RBFOX3: variants seen among roughly 807,000 people sequenced by gnomAD.
RBFOX3 encodes the protein RNA binding fox-1 homolog 3.
A neutral mutation model predicts 48.7 loss-of-function variants in RBFOX3; 17 were observed. That is an observed-to-expected ratio of 0.35 (90% CI 0.24 to 0.52). The LOEUF is 0.52. Ranked by LOEUF, RBFOX3 falls within the 20% of genes least tolerant of loss-of-function variation. The pLI, the probability that RBFOX3 is intolerant of heterozygous loss-of-function variation, is 0.94. For synonymous variants in RBFOX3, 212 were observed against 209.5 expected (o/e 1.01, Z -0.10); for missense variants, 382 against 497.5 (o/e 0.77, Z 2.21).
intron 3 of RBFOX3, among the ~76,000 whole-genome samples, chr17:79,293,644 G>A (rs1600467879): frequency 6.6e-6 from 1 of 152,000 alleles, no homozygotes; most frequent in East Asian, 1.9e-4. Flanking sequence ...GTAGAGACGG[G>A]GTTTCACCAT....
chr17:79,264,853 G>A (rs1451084003), intron 3 of RBFOX3, among the ~76,000 whole-genome samples: 2 of 152,002 alleles, frequency 1.3e-5, no homozygotes, highest in Non-Finnish European at 2.9e-5. Context: ...TCCTGCCCCC[G>A]CTGGAAGGTT....
intron 1 of RBFOX3, among the ~76,000 whole-genome samples, chr17:79,584,693 C>G (rs1196507219): frequency 2.0e-5 from 3 of 152,148 alleles, no homozygotes; most frequent in African/African-American, 7.2e-5. Flanking sequence ...ATCGTATGTT[C>G]ACACCCATCT....
chr17:79,100,921 T>A (rs1047899590), intron 9 of RBFOX3, among the ~76,000 whole-genome samples: 11 of 152,308 alleles, frequency 7.2e-5, no homozygotes, highest in African/African-American at 2.6e-4. Context: ...CTCCCCTTGC[T>A]GTGGACAGCA....
intron 2 of RBFOX3, among the ~76,000 whole-genome samples, chr17:79,359,490 T>C (rs1020089329): frequency 2.6e-5 from 4 of 152,230 alleles, no homozygotes; most frequent in Admixed American, 2.6e-4. Context: ...AGGTGAGGCA[T>C]AGCCTTCGAA....
At chr17:79,656,745 AGAAAGAAGGAAGGAAG>A in the RBFOX3 span, among the ~76,000 whole-genome samples, 13 of 79,822 alleles carry the variant, frequency 1.6e-4, no homozygotes, top group Admixed American at 3.0e-4. Flanking sequence ...AAAGAAAGAA[AGAAAGAAGGAAGGAAG>A]GAAGGAAGGA....
chr17:79,476,745 C>T (rs1293772081), intron 2 of RBFOX3, among the ~76,000 whole-genome samples: 1 of 151,896 alleles, frequency 6.6e-6, no homozygotes, highest in South Asian at 2.1e-4. Flanking sequence ...GGCAGGGTGG[C>T]AGAATTAGGG....
intron 4 of RBFOX3, among the ~76,000 whole-genome samples, chr17:79,186,902 A>T (rs139526598): frequency 5.5e-4 from 83 of 152,254 alleles, no homozygotes; most frequent in Admixed American, 1.1e-3. Flanking sequence ...GGGGCCTTGG[A>T]GGGTGCAGGC....
chr17:79,439,895 A>G lies in RBFOX3; in HGVS notation c.-175+42559T>C, dbSNP rs147881388. 1.4e-3 allele frequency among the ~76,000 whole-genome samples: 214 copies of G among 152,368 alleles called. 2 individuals carry two copies. Among genetic ancestry groups the G allele is most frequent in the Admixed American group, 7.8e-4 (12 of 15,308 alleles). On this transcript the variant is annotated intron_variant, in intron 2 of 14. Transcript: ENST00000693108. ...TGGTGACCCTGAGTCTGTTATGAATAATCCAGAACATTCCAGGAGTAGGAG... is the reference window on the plus strand; with the variant it reads ...TGGTGACCCTGAGTCTGTTATGAATGATCCAGAACATTCCAGGAGTAGGAG...
chr17:79,108,062 C>A (rs1487332113), intron 5 of RBFOX3, among the ~76,000 whole-genome samples: 5 of 152,226 alleles, frequency 3.3e-5, no homozygotes, highest in Non-Finnish European at 5.9e-5. Context: ...TTTGGGAGAT[C>A]ATCTCCCAAA....
At chr17:79,611,302 C>T (rs1254834919), upstream of RBFOX3, among the ~76,000 whole-genome samples, 1 of 136,710 alleles carries the variant, frequency 7.3e-6, no homozygotes, top group African/African-American at 3.6e-5. Context: ...GCGGAGCGCG[C>T]AGCGCGCGGC....
chr17:79,150,493 A>G (rs2044177826), intron 4 of RBFOX3, among the ~76,000 whole-genome samples: 1 of 152,102 alleles, frequency 6.6e-6, no homozygotes, highest in Admixed American at 6.5e-5. Flanking sequence ...CCGCCTGCCC[A>G]TCACTCAAGA....
At chr17:79,145,931 T>C (rs540821325) in intron 4 of RBFOX3, among the ~76,000 whole-genome samples, 1 of 151,778 alleles carries the variant, frequency 6.6e-6, no homozygotes, top group African/African-American at 2.4e-5. Context: ...GGGGGGTGGT[T>C]GGGGAGGGAT....
At chr17:79,664,187 T>G in the RBFOX3 span, among the ~76,000 whole-genome samples, 1 of 152,064 alleles carries the variant, frequency 6.6e-6, no homozygotes, top group Admixed American at 6.6e-5. Flanking sequence ...ACCTTTTTTT[T>G]TTTTTGAGAT....
In RBFOX3 at chr17:79,204,543, T is replaced by C. The variant is rs1022589835; in HGVS notation, c.-34+31223A>G. On this transcript the variant is annotated intron_variant, in intron 4 of 14. Coordinates refer to ENST00000693108, the MANE Select transcript of RBFOX3 (RefSeq NM_001350451.2). This position sits in a 1 kb window ranked among gnomAD's most constrained non-coding sequence, Gnocchi z 4.5. Reference sequence around the variant, plus strand: ...GCGCTGGAACTACTTTGGTGGAGTATTAAAGAAGGGGTCCGAAGGCCCCAG... The same window carrying C: ...GCGCTGGAACTACTTTGGTGGAGTACTAAAGAAGGGGTCCGAAGGCCCCAG... Among the ~76,000 whole-genome samples, 30 of 152,196 alleles carry C rather than the reference T, an allele frequency of 2.0e-4. No homozygotes were observed. Among genetic ancestry groups the C allele is most frequent in the Admixed American group, 1.6e-3 (24 of 15,296 alleles).
chr17:79,160,705 C>T (rs970906563), intron 4 of RBFOX3, among the ~76,000 whole-genome samples: 8 of 152,178 alleles, frequency 5.3e-5, no homozygotes, highest in Non-Finnish European at 1.2e-4. Flanking sequence ...TCTTGGCGAG[C>T]GTAGTGGCTC....
At chr17:79,272,231 C>A (rs1276004339) in intron 3 of RBFOX3, among the ~76,000 whole-genome samples, 1 of 152,088 alleles carries the variant, frequency 6.6e-6, no homozygotes, top group Non-Finnish European at 1.5e-5. Flanking sequence ...GGTTACATGG[C>A]CTTTGTGGCT....
intron 1 of RBFOX3, among the ~76,000 whole-genome samples, chr17:79,587,514 G>C (rs1397289467): frequency 6.6e-6 from 1 of 152,206 alleles, no homozygotes; most frequent in African/African-American, 2.4e-5. Flanking sequence ...ACCCTGTTTG[G>C]GAGAAGGCGG....
chr17:79,518,445 C>T (rs887575231), intron 1 of RBFOX3, among the ~76,000 whole-genome samples: 67 of 152,378 alleles, frequency 4.4e-4, no homozygotes, highest in African/African-American at 1.5e-3. Context: ...CCAAGTCCTC[C>T]GGGTCGGATG....
In RBFOX3 at chr17:79,089,669, G is replaced by A. The variant is rs1209662474; in HGVS notation, c.*1214C>T. 1 of 152,602 alleles carries A rather than the reference G, an allele frequency of 6.6e-6. No individual in the cohort carries two copies. Among genetic ancestry groups the A allele is most frequent in the East Asian group, 1.9e-4 (1 of 5,194 alleles). 9.5% of individuals were successfully genotyped at this position (152,602 alleles called of 1,614,324 possible). A position where few individuals can be genotyped will look rare whatever the true frequency, so the allele number is the denominator to read the frequency against. ...TTTTTAAATTTTTGACACTTCATGA[G>A]ACAGTGGAGCCACGTTGGGAGCCTG... On this transcript the variant is annotated 3_prime_UTR_variant, in exon 15 of 15. Transcript: ENST00000693108.
Sources: gnomAD v4.1 joint callset for allele counts (sites outside exome capture counted in the v4.1 genomes callset) on GRCh38, gnomAD v4.1.1 for gene constraint, Gnocchi (gnomAD v3.1) non-coding constraint, MANE v1.5 for transcripts, NCBI Gene and HGNC (gene_info 2026-07-23, HGNC 2026-07-21) for gene names.